Variants in TTC29 observed in about 807,000 individuals in gnomAD.
TTC29 encodes the protein tetratricopeptide repeat protein 29.
Under a neutral mutation model 58.1 loss-of-function variants are expected in TTC29, and 49 were observed. The ratio of observed to expected loss-of-function variants is 0.84; its 90% CI spans 0.67 to 1.07. TTC29 has a LOEUF of 1.07. Ranked by LOEUF, TTC29 falls within the 50% of genes least tolerant of loss-of-function variation. The pLI, the probability that TTC29 is intolerant of heterozygous loss-of-function variation, is 0.00. For missense variants in TTC29, 582 were observed against 555.6 expected (o/e 1.05, Z -0.48); for synonymous variants, 209 against 196.8 (o/e 1.06, Z -0.52).
At chr4:146,765,805 A>AT (rs562963726) in intron 11 of TTC29, among the ~76,000 whole-genome samples, 71 of 151,816 alleles carry the variant, frequency 4.7e-4, no homozygotes, top group Middle Eastern at 3.4e-3. Context: ...TCTATGACTG[A>AT]TTTTTTTTTA....
At chr4:146,940,117 T>C (rs192654974) in intron 2 of TTC29, among the ~76,000 whole-genome samples, 1 of 152,344 alleles carries the variant, frequency 6.6e-6, no homozygotes, top group East Asian at 1.9e-4. Flanking sequence ...GGCCAACTTA[T>C]TATTTGTCTG....
intron 11 of TTC29, among the ~76,000 whole-genome samples, chr4:146,802,026 G>T (rs190707345): frequency 3.2e-5 from 4 of 123,800 alleles, no homozygotes; most frequent in South Asian, 2.8e-4. Flanking sequence ...TTTTTAAAGC[G>T]AAAATCAGGA....
At position 146,717,060 on chromosome 4, in the gene TTC29, C is replaced by T. The variant is rs551714745; in HGVS notation, c.1331-9509G>A. On this transcript the variant is annotated intron_variant, in intron 11 of 12. Transcript: ENST00000325106. The stretch of plus-strand genomic sequence containing the variant: ...TAACAGGATCCCAAGGTAATTCATT[C>T]GCCCATTAAAGTTTGACAATCGTTG... 5.3e-5 allele frequency among the ~76,000 whole-genome samples: 8 copies of T among 152,060 alleles called. No individual in the cohort carries two copies. The South Asian group carries it at 6.2e-4, about 12-fold the overall frequency.
At chr4:146,882,142 T>C (rs931945223) in intron 6 of TTC29, among the ~76,000 whole-genome samples, 3 of 152,080 alleles carry the variant, frequency 2.0e-5, no homozygotes, top group Non-Finnish European at 4.4e-5. Flanking sequence ...TCCAGAAAAT[T>C]TGCCTAGATC....
chr4:146,717,570 G>A lies in TTC29; in HGVS notation c.1331-10019C>T, dbSNP rs532214728. 1.4e-4 allele frequency among the ~76,000 whole-genome samples: 22 copies of A among 152,078 alleles called. 1 individual carries two copies. The highest frequency in any genetic ancestry group is 3.9e-4 in the Admixed American group (6 of 15,264). On this transcript the variant is annotated intron_variant, in intron 11 of 12. Coordinates refer to ENST00000325106, the MANE Select transcript of TTC29 (RefSeq NM_031956.4). ...TGGGATTACGAGTGTGAGCCATTGC[G>A]CCCAGCTGGCACTTTATTATTTAGC...
chr4:146,803,729 C>A, intron 10 of TTC29, 44 bp from the exon 11 acceptor site: 1 of 1,436,140 alleles, frequency 7.0e-7, no homozygotes, highest in South Asian at 1.4e-5. Context: ...CTTTTAATGT[C>A]ACCATTTCAC....
chr4:146,794,890 C>T (rs912583830), intron 11 of TTC29, among the ~76,000 whole-genome samples: 4 of 152,072 alleles, frequency 2.6e-5, no homozygotes, highest in Admixed American at 1.3e-4. Context: ...TCAGAGAAAT[C>T]AGACTTATCT....
At chr4:146,727,056 T>TA (rs1164949004) in intron 11 of TTC29, among the ~76,000 whole-genome samples, 2 of 151,166 alleles carry the variant, frequency 1.3e-5, no homozygotes, top group Non-Finnish European at 2.9e-5. Flanking sequence ...CATGCACTTA[T>TA]AAAAAGATAA....
At chr4:146,899,715 T>C (rs945854767) in intron 6 of TTC29, among the ~76,000 whole-genome samples, 3 of 152,186 alleles carry the variant, frequency 2.0e-5, no homozygotes, top group African/African-American at 7.2e-5. Flanking sequence ...CCCTTGACTG[T>C]AGCCATGTGC....
intron 7 of TTC29, among the ~76,000 whole-genome samples, chr4:146,871,184 G>A (rs1360850645): frequency 1.3e-5 from 2 of 151,846 alleles, no homozygotes; most frequent in Admixed American, 6.6e-5. Flanking sequence ...TTCAACATAT[G>A]CTAATCAATT....
intron 11 of TTC29, among the ~76,000 whole-genome samples, chr4:146,720,281 T>C (rs571296286): frequency 5.3e-5 from 8 of 152,264 alleles, no homozygotes; most frequent in African/African-American, 1.9e-4. Context: ...AATACGACTT[T>C]AGACGAGCTC....
intron 8 of TTC29, among the ~76,000 whole-genome samples, chr4:146,846,762 CA>C (rs1242214267): frequency 6.6e-6 from 1 of 152,190 alleles, no homozygotes; most frequent in African/African-American, 2.4e-5. Flanking sequence ...CCGCTGGCAG[CA>C]AAGCCATCAT....
intron 11 of TTC29, among the ~76,000 whole-genome samples, chr4:146,782,788 C>G (rs187094228): frequency 7.9e-5 from 12 of 152,026 alleles, no homozygotes; most frequent in Admixed American, 7.9e-4. Flanking sequence ...TATTACTTTA[C>G]TATTGACTAT....
At chr4:146,793,172 A>C (rs757883916) in intron 11 of TTC29, among the ~76,000 whole-genome samples, 3 of 152,230 alleles carry the variant, frequency 2.0e-5, no homozygotes, top group Non-Finnish European at 4.4e-5. Flanking sequence ...GTAGAGTTTG[A>C]GAGGTTTGAC....
At chr4:146,893,563 C>T (rs1181053344) in intron 6 of TTC29, among the ~76,000 whole-genome samples, 1 of 152,078 alleles carries the variant, frequency 6.6e-6, no homozygotes, top group African/African-American at 2.4e-5. Context: ...AATGTTAGAC[C>T]TGAAACCATA....
At chr4:146,814,215 A>G in intron 10 of TTC29, among the ~76,000 whole-genome samples, 1 of 152,180 alleles carries the variant, frequency 6.6e-6, no homozygotes, top group Non-Finnish European at 1.5e-5. Flanking sequence ...AAATTAAACA[A>G]CAATAATAAG....
At chr4:146,763,038 T>C (rs529575401) in intron 11 of TTC29, among the ~76,000 whole-genome samples, 3 of 152,166 alleles carry the variant, frequency 2.0e-5, no homozygotes, top group Admixed American at 6.6e-5. Context: ...CCCACCTGTT[T>C]GGTTATTCTA....
chr4:146,866,689 T>G (rs1188329084), intron 8 of TTC29, among the ~76,000 whole-genome samples: 1 of 152,156 alleles, frequency 6.6e-6, no homozygotes, highest in Non-Finnish European at 1.5e-5. Context: ...AAGTTTTCTA[T>G]GCTATCCAAT....
intron 7 of TTC29, 138 bp from the exon 8 acceptor site, chr4:146,867,721 A>G (rs1280012879): frequency 4.4e-6 from 2 of 456,888 alleles, no homozygotes; most frequent in Admixed American, 4.2e-5. Flanking sequence ...AAACCTAGCT[A>G]TATACTGAAA....
Sources: allele counts gnomAD v4.1 joint callset (sites outside exome capture counted in the v4.1 genomes callset), GRCh38; gene constraint gnomAD v4.1.1; transcripts MANE v1.5; gene names NCBI Gene and HGNC (gene_info 2026-07-23, HGNC 2026-07-21).